SUCLG2: variants seen among roughly 807,000 people sequenced by gnomAD.
The protein encoded by SUCLG2 is succinate-CoA ligase GDP-forming subunit beta.
Under a neutral mutation model 47.9 loss-of-function variants are expected in SUCLG2, and 42 were observed. The observed-to-expected ratio is 0.88, with a 90% CI of 0.69 to 1.14. The LOEUF is 1.14. Ranked by LOEUF, SUCLG2 falls within the 50% of genes most tolerant of loss-of-function variation. SUCLG2 has a pLI of 0.00. For synonymous variants in SUCLG2, 195 were observed against 197.3 expected (o/e 0.99, Z 0.10); for missense variants, 571 against 525.9 (o/e 1.09, Z -0.84).
intron 2 of SUCLG2, among the ~76,000 whole-genome samples, chr3:67,543,433 G>A (rs1706771330): frequency 6.6e-6 from 1 of 152,192 alleles, no homozygotes; most frequent in Non-Finnish European, 1.5e-5. Context: ...TTGGGAGGCT[G>A]AGACAGGTGG....
chr3:67,421,416 T>G (rs1391064114), intron 9 of SUCLG2, among the ~76,000 whole-genome samples: 1 of 152,206 alleles, frequency 6.6e-6, no homozygotes, highest in Admixed American at 6.5e-5. Context: ...AACATTTCAC[T>G]AGCAGTCAGT....
intron 6 of SUCLG2, among the ~76,000 whole-genome samples, chr3:67,509,420 T>C (rs1445452691): frequency 1.1e-5 from 1 of 91,486 alleles, no homozygotes; most frequent in Admixed American, 1.5e-4. Flanking sequence ...AATAGTGTAG[T>C]TACTGAACAG....
At chr3:67,417,547 T>G (rs1174502370) in intron 9 of SUCLG2, among the ~76,000 whole-genome samples, 2 of 152,238 alleles carry the variant, frequency 1.3e-5, no homozygotes, top group Non-Finnish European at 2.9e-5. Context: ...AACAAGGAAC[T>G]GAACTAGTTT....
intron 2 of SUCLG2, among the ~76,000 whole-genome samples, chr3:67,558,667 G>C (rs753363201): frequency 2.6e-5 from 4 of 152,198 alleles, no homozygotes; most frequent in Non-Finnish European, 5.9e-5. Flanking sequence ...GTTTCCAAAA[G>C]GCAGTATCTG....
chr3:67,594,431 C>A (rs114422733), intron 2 of SUCLG2, among the ~76,000 whole-genome samples: 2 of 152,140 alleles, frequency 1.3e-5, no homozygotes, highest in Admixed American at 1.3e-4. Flanking sequence ...TTCAGGATCT[C>A]GGCCTCTCCT....
intron 9 of SUCLG2, among the ~76,000 whole-genome samples, chr3:67,423,844 C>T (rs980095026): frequency 1.7e-4 from 26 of 152,286 alleles, no homozygotes; most frequent in African/African-American, 6.0e-4. Flanking sequence ...AGGTATCTTA[C>T]TATAGCTAGG....
intron 9 of SUCLG2, among the ~76,000 whole-genome samples, chr3:67,487,133 A>G (rs1705074651): frequency 6.6e-6 from 1 of 152,006 alleles, no homozygotes; most frequent in East Asian, 1.9e-4. Context: ...GGAACATGCC[A>G]CTTCTGATCC....
chr3:67,391,930 T>A (rs887841029), intron 10 of SUCLG2, among the ~76,000 whole-genome samples: 1 of 152,182 alleles, frequency 6.6e-6, no homozygotes, highest in Non-Finnish European at 1.5e-5. Flanking sequence ...GATGGACCTG[T>A]TTCCCACCTC....
chr3:67,362,982 C>A (rs1189034769), intron 10 of SUCLG2, among the ~76,000 whole-genome samples: 1 of 152,114 alleles, frequency 6.6e-6, no homozygotes, highest in Non-Finnish European at 1.5e-5. Context: ...CACATCTTTG[C>A]CAGGTTCCTT....
chr3:67,587,851 G>C (rs1054299416), intron 2 of SUCLG2, among the ~76,000 whole-genome samples: 34 of 152,044 alleles, frequency 2.2e-4, no homozygotes, highest in African/African-American at 8.0e-4. Context: ...GACTCTTAAA[G>C]CTTCTACCAG....
chr3:67,454,405 T>TA (rs199930632), intron 9 of SUCLG2, among the ~76,000 whole-genome samples: 1,796 of 14,984 alleles, frequency 0.12, 21 homozygotes, highest in East Asian at 0.31. Context: ...ATCAAATATA[T>TA]AAAAAAAAAA....
intron 2 of SUCLG2, among the ~76,000 whole-genome samples, chr3:67,538,979 A>G (rs925915502): frequency 2.0e-5 from 3 of 152,198 alleles, no homozygotes; most frequent in African/African-American, 7.2e-5. Flanking sequence ...GGGGTTTTCT[A>G]AATATACAAT....
chr3:67,425,867 G>A (rs1194139768), intron 9 of SUCLG2, among the ~76,000 whole-genome samples: 2 of 152,124 alleles, frequency 1.3e-5, no homozygotes, highest in African/African-American at 4.8e-5. Context: ...TCGAGCTGTC[G>A]AGGTTTCCAA....
chr3:67,457,053 T>C (rs1455250844), intron 9 of SUCLG2, among the ~76,000 whole-genome samples: 5 of 152,222 alleles, frequency 3.3e-5, no homozygotes, highest in Admixed American at 1.3e-4. Flanking sequence ...TATAATAACA[T>C]TGTATGAACA....
At chr3:67,567,262 T>C (rs1707476732) in intron 2 of SUCLG2, among the ~76,000 whole-genome samples, 1 of 151,666 alleles carries the variant, frequency 6.6e-6, no homozygotes, top group Non-Finnish European at 1.5e-5. Flanking sequence ...TAATGCTGCA[T>C]TTTAATATGG....
intron 2 of SUCLG2, among the ~76,000 whole-genome samples, chr3:67,565,997 A>G (rs955286198): frequency 3.3e-5 from 5 of 152,146 alleles, no homozygotes; most frequent in Non-Finnish European, 7.3e-5. Flanking sequence ...ACTGAGGCAC[A>G]CTCTGTTCCA....
intron 1 of SUCLG2, among the ~76,000 whole-genome samples, chr3:67,626,978 CA>C (rs1559603136): frequency 6.9e-6 from 1 of 144,680 alleles, no homozygotes; most frequent in African/African-American, 2.6e-5. Flanking sequence ...GTATATGTAT[CA>C]AAAAATTTTC....
Position 67,498,135 on chromosome 3 carries a change from A to T in SUCLG2, c.918T>A (p.Phe306Leu). 1 of 1,605,796 alleles carries T rather than the reference A, an allele frequency of 6.2e-7. No individual in the cohort carries two copies. The highest frequency in any genetic ancestry group is 8.5e-7 in the Non-Finnish European group (1 of 1,175,458). ...TCTTTTGATATAACTGCTTCTTACC[A>T]AAGCAGGCAATGTTCCCATCTAGTC... ...YIGLDGNIAC[F>L]VNGAGLAMAT... The change falls in exon 8 of 11, where the codon TTT becomes TTA. Residue 306 changes from phenylalanine (F) to leucine (L), a missense_variant and splice_region_variant. Coordinates refer to ENST00000307227, the MANE Select transcript of SUCLG2 (RefSeq NM_003848.4).
chr3:67,393,077 C>A (rs1218046084), intron 10 of SUCLG2, among the ~76,000 whole-genome samples: 1 of 152,212 alleles, frequency 6.6e-6, no homozygotes, highest in East Asian at 1.9e-4. Flanking sequence ...CGGTCTACAG[C>A]TCCCAGCGTG....
Sources: gnomAD v4.1 joint callset for allele counts (sites outside exome capture counted in the v4.1 genomes callset) on GRCh38, gnomAD v4.1.1 for gene constraint, MANE v1.5 for transcripts, NCBI Gene and HGNC (gene_info 2026-07-23, HGNC 2026-07-21) for gene names.